Variants in SLC28A1 observed in about 807,000 individuals in gnomAD.
The protein encoded by SLC28A1 is solute carrier family 28 member 1.
A neutral mutation model predicts 74.8 loss-of-function variants in SLC28A1; 64 were observed. The observed-to-expected ratio is 0.86, with a 90% CI of 0.70 to 1.05. The LOEUF is 1.05. Among genes scored for constraint, SLC28A1 ranks in the 50% least tolerant of loss-of-function variants. The pLI, the probability that SLC28A1 is intolerant of heterozygous loss-of-function variation, is 0.00. For missense variants in SLC28A1, 828 were observed against 822.8 expected, an observed-to-expected ratio of 1.01 and a Z score of -0.08; for synonymous variants, 359 against 335.0, an observed-to-expected ratio of 1.07 and a Z score of -0.78.
rs1268454230 is a variant in SLC28A1, at chr15:84,944,809, A to G, written c.1816A>G (p.Thr606Ala). The G allele has an allele frequency of 1.2e-6, 2 of 1,614,110 alleles. No individual in the cohort carries two copies. Among genetic ancestry groups the G allele is most frequent in the Non-Finnish European group, 1.7e-6 (2 of 1,179,994 alleles). ...AEVDCMSLLN[T>A]TLSSSSFEIY... The stretch of plus-strand genomic sequence containing the variant: ...AGTTGACTGCATGTCCCTCTTGAAC[A>G]CGACCCTCAGCAGCAGTAGCTTTGA... Residue 606 changes from threonine to alanine, a missense_variant, in exon 18 of 19, where the codon ACG (threonine) becomes GCG (alanine). Coordinates refer to ENST00000394573, the MANE Select transcript of SLC28A1 (RefSeq NM_004213.5).
intron 17 of SLC28A1, 23 bp downstream of exon 17, chr15:84,944,687 C>CA (rs2142064693): frequency 6.2e-7 from 1 of 1,606,806 alleles, no homozygotes; most frequent in East Asian, 2.2e-5. Context: ...CTGGCAGGCT[C>CA]AGAAGGTGGA....
chr15:84,924,243 G>A, intron 12 of SLC28A1, 133 bp downstream of exon 12: 1 of 1,118,222 alleles, frequency 8.9e-7, no homozygotes, highest in South Asian at 1.3e-5. Context: ...CAAGAGGAGT[G>A]GCTTCCCCTG....
Position 84,905,565 on chromosome 15 carries a change from A to T in SLC28A1, c.630A>T (p.Gly210=), listed in dbSNP as rs8187755. 5.2e-3 allele frequency: 8,456 copies of T among 1,613,586 alleles called. 365 individuals are homozygous for T. The African/African-American group carries it at 0.095, about 18-fold the overall frequency. The change falls in exon 8 of 19, where the codon GGA becomes GGT. Residue 210 remains glycine (G), a synonymous_variant. Transcript: ENST00000394573. ...CAVSWRAVSW[G]LGLQFVLGLL... ...TGTCCTGGAGGGCCGTGTCTTGGGGACTTGGACTGCAGTTTGTACTTGGAC... is the reference window on the plus strand; with the variant it reads ...TGTCCTGGAGGGCCGTGTCTTGGGGTCTTGGACTGCAGTTTGTACTTGGAC...
intron 9 of SLC28A1, among the ~76,000 whole-genome samples, chr15:84,911,987 C>T (rs1246857645): frequency 2.0e-5 from 3 of 152,140 alleles, no homozygotes; most frequent in Non-Finnish European, 4.4e-5. Flanking sequence ...TAACCAGCCT[C>T]AGCATTTCCC....
chr15:84,946,652 G>A (rs2079241924), downstream of SLC28A1, among the ~76,000 whole-genome samples: 1 of 152,128 alleles, frequency 6.6e-6, no homozygotes, highest in Non-Finnish European at 1.5e-5. Flanking sequence ...AACACAAACT[G>A]CGATGTGGGG....
chr15:84,972,994 T>C, the SLC28A1 span, among the ~76,000 whole-genome samples: 7,019 of 152,280 alleles, frequency 0.046, 188 homozygotes, highest in Middle Eastern at 0.11. Context: ...GCCTGTCTGC[T>C]TGAGTGTGGA....
chr15:84,955,427 C>T, the SLC28A1 span, among the ~76,000 whole-genome samples: 2 of 152,186 alleles, frequency 1.3e-5, no homozygotes, highest in Non-Finnish European at 2.9e-5. Flanking sequence ...AACTGAGGAA[C>T]GCTTTGCATC....
chr15:84,948,581 G>A (rs1311132078), downstream of SLC28A1, among the ~76,000 whole-genome samples: 1 of 152,126 alleles, frequency 6.6e-6, no homozygotes, highest in Non-Finnish European at 1.5e-5. Context: ...ACCACGGTGG[G>A]GCTATGGCTT....
chr15:84,943,408 A>C (rs1567191754), intron 15 of SLC28A1, 37 bp from the exon 16 acceptor site: 1 of 1,522,936 alleles, frequency 6.6e-7, no homozygotes, highest in Non-Finnish European at 9.1e-7. Flanking sequence ...GGCCCATCTG[A>C]GGGGAGCCCC....
the SLC28A1 span, among the ~76,000 whole-genome samples, chr15:84,958,504 T>A: frequency 6.6e-6 from 1 of 151,604 alleles, no homozygotes; most frequent in East Asian, 1.9e-4. Flanking sequence ...AATAGCTTAG[T>A]AGGGAATATA....
At chr15:84,889,709 T>TTTCCTTCC (rs1327916243) in intron 4 of SLC28A1, among the ~76,000 whole-genome samples, 29 of 27,110 alleles carry the variant, frequency 1.1e-3, no homozygotes, top group South Asian at 6.5e-3. Flanking sequence ...TCCTTCCTTC[T>TTTCCTTCC]TTCCTTCCTT....
At chr15:84,885,092 G>A (rs1433573473) in intron 1 of SLC28A1, among the ~76,000 whole-genome samples, 1 of 152,088 alleles carries the variant, frequency 6.6e-6, no homozygotes, top group Admixed American at 6.5e-5. Flanking sequence ...CCGAGTAGCT[G>A]GGACTACAGG....
intron 6 of SLC28A1, among the ~76,000 whole-genome samples, chr15:84,899,966 A>AGG (rs1966460398): frequency 8.8e-5 from 10 of 114,258 alleles, no homozygotes; most frequent in Admixed American, 1.8e-4. Flanking sequence ...GAAGGAAGGA[A>AGG]AGAAGGAAGG....
intron 6 of SLC28A1, among the ~76,000 whole-genome samples, chr15:84,899,891 C>CAGAAAGAAAGAA (rs146927149): frequency 1.5e-5 from 2 of 137,306 alleles, no homozygotes; most frequent in South Asian, 4.7e-4. Flanking sequence ...GATACTAAGG[C>CAGAAAGAAAGAA]AGAAAGAAAG....
intron 7 of SLC28A1, among the ~76,000 whole-genome samples, chr15:84,905,055 C>G (rs925502716): frequency 6.6e-6 from 1 of 152,220 alleles, no homozygotes; most frequent in Non-Finnish European, 1.5e-5. Context: ...AGGAGCCCAG[C>G]TCTTGTCTGC....
chr15:84,900,476 A>G (rs1596241379), intron 6 of SLC28A1, among the ~76,000 whole-genome samples: 2 of 151,922 alleles, frequency 1.3e-5, no homozygotes, highest in East Asian at 1.9e-4. Context: ...AGAGAAGGAA[A>G]ATGCTACTAG....
chr15:84,912,806 G>GCACGCA (rs1555449155), intron 9 of SLC28A1, among the ~76,000 whole-genome samples: 3 of 112,202 alleles, frequency 2.7e-5, no homozygotes, highest in Admixed American at 9.5e-5. Flanking sequence ...TTGCGCGCGC[G>GCACGCA]CACACACACA....
Position 84,943,425 on chromosome 15 carries a change from T to C in SLC28A1, c.1582-20T>C. On this transcript the variant is annotated intron_variant, in intron 15 of 18. Coordinates refer to ENST00000394573, the MANE Select transcript of SLC28A1 (RefSeq NM_004213.5). ...CCCATCTGAGGGGAGCCCCTCCTCA[T>C]GCATCTTCTGTATTTTCAGGTCAGA... 2 of 1,602,884 alleles carry C rather than the reference T, an allele frequency of 1.2e-6. No homozygotes were observed. Among genetic ancestry groups the C allele is most frequent in the Non-Finnish European group, 1.7e-6 (2 of 1,170,254 alleles).
At chr15:84,895,611 T>C in intron 6 of SLC28A1, 2 of 1,486,946 alleles carry the variant, frequency 1.3e-6, no homozygotes, top group Admixed American at 4.3e-5. Context: ...CTTGGAGCGC[T>C]GGAAATCTCA....
Sources: allele counts gnomAD v4.1 joint callset (sites outside exome capture counted in the v4.1 genomes callset), GRCh38; gene constraint gnomAD v4.1.1; transcripts MANE v1.5; gene names NCBI Gene and HGNC (gene_info 2026-07-23, HGNC 2026-07-21).